The following COL6A2 variants were observed in gnomAD, a reference collection of about 807,000 sequenced individuals.
The protein encoded by COL6A2 is collagen alpha-2(VI) chain.
Under a neutral mutation model 124.9 loss-of-function variants are expected in COL6A2, and 90 were observed. The ratio of observed to expected loss-of-function variants is 0.72; its 90% CI spans 0.61 to 0.86. The LOEUF (loss-of-function observed/expected upper bound fraction) is 0.86. Ranked by LOEUF, COL6A2 falls within the 40% of genes least tolerant of loss-of-function variation. The probability of loss-of-function intolerance (pLI) is 0.00; values close to 1 mark genes in which losing one functional copy is unlikely to be tolerated. For missense variants in COL6A2, 1,607 were observed against 1,502.5 expected, an observed-to-expected ratio of 1.07 and a Z score of -1.15; for synonymous variants, 793 against 618.2, an observed-to-expected ratio of 1.28 and a Z score of -4.19.
chr21:46,106,930 T>A (rs1448357933), intron 1 of COL6A2, among the ~76,000 whole-genome samples: 2 of 152,208 alleles, frequency 1.3e-5, no homozygotes, highest in Admixed American at 1.3e-4. Flanking sequence ...ATGCAAAAAA[T>A]TTTCTTGGAA....
In COL6A2 at chr21:46,112,506, G is replaced by A. The variant is rs563449281; in HGVS notation, c.643G>A (p.Asp215Asn). 5.3e-5 allele frequency: 85 copies of A among 1,611,878 alleles called. No individual in the cohort carries two copies. Among genetic ancestry groups the A allele is most frequent in the Middle Eastern group, 3.3e-4 (2 of 6,060 alleles). ...ASTPHELYRN[D>N]YATMLPDSTE... ...CACGCCGCACGAGCTCTACCGCAAC[G>A]ACTACGCCACCATGCTGCCCGACTC... The change falls in exon 3 of 28, where the codon GAC (aspartate) becomes AAC (asparagine). Residue 215 changes from aspartate (D) to asparagine (N), a missense_variant. Physicochemically the swap from Asp to Asn is conservative, Grantham distance 23. Transcript: ENST00000300527.
chr21:46,113,868 C>T (rs756105451), intron 4 of COL6A2, 140 bp from the exon 5 acceptor site: 20 of 737,746 alleles, frequency 2.7e-5, no homozygotes, highest in Middle Eastern at 2.8e-4. Flanking sequence ...AGCTCCCTCA[C>T]GCCCGCCCAG....
intron 27 of COL6A2, among the ~76,000 whole-genome samples, chr21:46,131,668 T>C (rs888988437): frequency 6.6e-6 from 1 of 152,158 alleles, no homozygotes; most frequent in African/African-American, 2.4e-5. Flanking sequence ...GAGGGCAGCC[T>C]GTGCAGGGAT....
intron 10 of COL6A2, 134 bp from the exon 11 acceptor site, chr21:46,117,264 CAT>C (rs1341772588): frequency 3.1e-5 from 27 of 869,266 alleles, no homozygotes; most frequent in Middle Eastern, 5.0e-4. Context: ...GCCGTGGCCT[CAT>C]GTGGGCACCC....
intron 27 of COL6A2, among the ~76,000 whole-genome samples, chr21:46,126,926 C>G (rs1794095390): frequency 6.6e-6 from 1 of 152,156 alleles, no homozygotes; most frequent in South Asian, 2.1e-4. Flanking sequence ...TGAGTGAAAC[C>G]ATCCCGGGGT....
chr21:46,117,552 C>A, intron 11 of COL6A2, 99 bp downstream of exon 11: 2 of 1,240,054 alleles, frequency 1.6e-6, no homozygotes, highest in East Asian at 2.5e-5. Context: ...AGCGTGGGTT[C>A]TCCCGGCAGC....
Position 46,132,673 on chromosome 21 carries a change from C to G in COL6A2, c.*121C>G. 1 of 1,017,680 alleles carries G rather than the reference C, an allele frequency of 9.8e-7. No homozygotes were observed. 63.0% of individuals were successfully genotyped at this position (1,017,680 alleles called of 1,614,324 possible). On this transcript the variant is annotated 3_prime_UTR_variant, in exon 28 of 28. Coordinates refer to ENST00000300527, the MANE Select transcript of COL6A2 (RefSeq NM_001849.4). ...CTCGGACGACGCCCTGGGCCTGCAC[C>G]TCTCCAGCTCCTCCCACGGGGTCCC...
rs77313629 is a variant in COL6A2 at position 46,116,295 on chromosome 21, C to T, written c.901-82C>T. The T allele has an allele frequency of 2.2e-3, 3,295 of 1,518,730 alleles. 56 individuals are homozygous for T. The African/African-American group carries it at 0.035, about 16-fold the overall frequency. 94.1% of individuals were successfully genotyped at this position (1,518,730 alleles called of 1,614,324 possible). On this transcript the variant is annotated intron_variant, in intron 7 of 27. Transcript: ENST00000300527. The surrounding 1 kb of genome is among the most constrained non-coding windows in gnomAD (Gnocchi z 4.6). ...ATGCCAGCGGCCCACCGAGCACTCC[C>T]CTCAGCCTGCAGGGCTGGCCCTTCC...
chr21:46,125,227 G>A (rs760953589), intron 23 of COL6A2, 39 bp from the exon 24 acceptor site: 5 of 1,601,854 alleles, frequency 3.1e-6, no homozygotes, highest in Non-Finnish European at 8.5e-7. Context: ...CTCTTCTGGG[G>A]CCCCGGGGGG....
At chr21:46,098,456 T>G (rs1245575258) in intron 1 of COL6A2, among the ~76,000 whole-genome samples, 3 of 151,024 alleles carry the variant, frequency 2.0e-5, no homozygotes. Flanking sequence ...CTGGGCGGGG[T>G]GGGGGGGTCC....
chr21:46,123,893 GGATA>G (rs368443991), intron 21 of COL6A2, among the ~76,000 whole-genome samples: 899 of 52,428 alleles, frequency 0.017, 11 homozygotes, highest in Non-Finnish European at 0.02. Flanking sequence ...GTGAGTCAGT[GGATA>G]GATGGATGGG....
rs900653367 is a variant in COL6A2, at chr21:46,130,936, G to T, written c.2462-1018G>T. Among the ~76,000 whole-genome samples the T allele has an allele frequency of 3.9e-5, 6 of 152,214 alleles. No homozygotes were observed. In the East Asian group the frequency reaches 1.2e-3, roughly 29 times the overall value. ...GTCTCAAGCGTTCTGTGAAGGCTGC[G>T]GTGCAGCGTGAGGTCACCCTGCTGT... On this transcript the variant is annotated intron_variant, in intron 27 of 27. Coordinates refer to ENST00000300527, the MANE Select transcript of COL6A2 (RefSeq NM_001849.4).
chr21:46,100,601 T>G (rs1041732721), intron 1 of COL6A2, among the ~76,000 whole-genome samples: 1 of 152,178 alleles, frequency 6.6e-6, no homozygotes, highest in African/African-American at 2.4e-5. Context: ...CTACTTTATG[T>G]TTCCAGGAAT....
intron 27 of COL6A2, among the ~76,000 whole-genome samples, chr21:46,127,673 G>A (rs552219167): frequency 2.6e-5 from 4 of 152,242 alleles, no homozygotes; most frequent in Admixed American, 2.0e-4. Context: ...GAAGTCTCGG[G>A]ACCCCATGAT....
At chr21:46,122,009 C>A in intron 18 of COL6A2, 99 bp from the exon 19 acceptor site, 1 of 1,297,002 alleles carries the variant, frequency 7.7e-7, no homozygotes, top group Non-Finnish European at 1.1e-6. Context: ...ACCCCTAGCC[C>A]ACTTCCACCC....
At chr21:46,130,098 T>C (rs1601261817) in intron 27 of COL6A2, among the ~76,000 whole-genome samples, 1 of 152,140 alleles carries the variant, frequency 6.6e-6, no homozygotes, top group African/African-American at 2.4e-5. Flanking sequence ...AGGCTTCCGG[T>C]TGGGCAGCAG....
chr21:46,114,947 T>G (rs1769264623), intron 5 of COL6A2, among the ~76,000 whole-genome samples: 1 of 152,262 alleles, frequency 6.6e-6, no homozygotes, highest in African/African-American at 2.4e-5. Context: ...CTTCGTGTTT[T>G]TCTAAATTTG....
At chr21:46,130,939 G>A (rs1281994871) in intron 27 of COL6A2, among the ~76,000 whole-genome samples, 2 of 152,244 alleles carry the variant, frequency 1.3e-5, no homozygotes, top group African/African-American at 4.8e-5. Context: ...AGGCTGCGGT[G>A]CAGCGTGAGG....
intron 1 of COL6A2, among the ~76,000 whole-genome samples, chr21:46,101,825 A>G (rs1380179151): frequency 1.4e-5 from 2 of 138,342 alleles, no homozygotes; most frequent in Non-Finnish European, 3.1e-5. Flanking sequence ...TGAGTCCCCC[A>G]GCTTTGTTCT....
Sources: allele counts gnomAD v4.1 joint callset (sites outside exome capture counted in the v4.1 genomes callset), GRCh38; gene constraint gnomAD v4.1.1; non-coding constraint Gnocchi (gnomAD v3.1); transcripts MANE v1.5; gene names NCBI Gene and HGNC (gene_info 2026-07-23, HGNC 2026-07-21).